PPM1E: variants seen among roughly 807,000 people sequenced by gnomAD.
PPM1E encodes the protein protein phosphatase, Mg2+/Mn2+ dependent 1E.
Under a neutral mutation model 65.9 loss-of-function variants are expected in PPM1E, and 20 were observed. The ratio of observed to expected loss-of-function variants is 0.30; its 90% confidence interval spans 0.21 to 0.44. PPM1E has a LOEUF of 0.44. Among genes scored for constraint, PPM1E ranks in the 20% least tolerant of loss-of-function variants. The probability of loss-of-function intolerance (pLI) is 1.00; values close to 1 mark genes in which losing one functional copy is unlikely to be tolerated. For missense variants in PPM1E, 713 were observed against 953.1 expected, an observed-to-expected ratio of 0.75 and a Z score of 3.32; for synonymous variants, 352 against 374.9, an observed-to-expected ratio of 0.94 and a Z score of 0.70.
chr17:58,934,900 C>G (rs1351616834), intron 1 of PPM1E, among the ~76,000 whole-genome samples: 4 of 149,530 alleles, frequency 2.7e-5, no homozygotes, highest in African/African-American at 9.8e-5. Flanking sequence ...GCACTCCAGC[C>G]TGGGCGACAG....
At chr17:58,843,873 G>A (rs2050745688) in intron 1 of PPM1E, among the ~76,000 whole-genome samples, 3 of 152,084 alleles carry the variant, frequency 2.0e-5, no homozygotes, top group Non-Finnish European at 2.9e-5. Flanking sequence ...GAAGATTGTA[G>A]GGGAAATGGC....
intron 1 of PPM1E, among the ~76,000 whole-genome samples, chr17:58,948,097 G>A (rs2052187000): frequency 6.6e-6 from 1 of 152,138 alleles, no homozygotes; most frequent in Non-Finnish European, 1.5e-5. Context: ...GGCCTTTTAT[G>A]AACAAACTTC....
intron 1 of PPM1E, among the ~76,000 whole-genome samples, chr17:58,868,678 C>T (rs1373037861): frequency 6.7e-6 from 1 of 149,466 alleles, no homozygotes; most frequent in African/African-American, 2.5e-5. Context: ...TAATTGTAAA[C>T]TCATAACCTT....
At chr17:58,762,822 C>T (rs986841073) in intron 1 of PPM1E, among the ~76,000 whole-genome samples, 5 of 148,978 alleles carry the variant, frequency 3.4e-5, no homozygotes, top group African/African-American at 5.0e-5. Flanking sequence ...GGCGTGAACC[C>T]GGGAGGCGGA....
intron 1 of PPM1E, among the ~76,000 whole-genome samples, chr17:58,935,099 A>G (rs2143581806): frequency 6.6e-6 from 1 of 151,244 alleles, no homozygotes; most frequent in Admixed American, 6.6e-5. Flanking sequence ...AAAAATGCAA[A>G]AATTAGCTGG....
chr17:58,980,523 T>C lies in PPM1E; in HGVS notation c.1760T>C (p.Leu587Pro), dbSNP rs1377925739. 2 of 1,614,190 alleles carry C rather than the reference T, an allele frequency of 1.2e-6. No homozygotes were observed. Among genetic ancestry groups the C allele is most frequent in the South Asian group, 2.2e-5 (2 of 91,080 alleles). The change falls in exon 7 of 7, where the codon CTA becomes CCA. Residue 587 changes from leucine (L) to proline (P), a missense_variant. By Grantham distance (98) the Leu-to-Pro change is moderately conservative. Transcript: ENST00000308249. The surrounding 1 kb of genome is among the most constrained non-coding windows in gnomAD (Gnocchi z 4.7). ...ASKPHSAQFL[L>P]PVEMFGPGAP... The stretch of plus-strand genomic sequence containing the variant: ...AAACCTCACAGTGCCCAGTTTTTGC[T>C]ACCAGTTGAGATGTTTGGTCCTGGT...
At chr17:58,894,085 C>T (rs1045266828) in intron 1 of PPM1E, among the ~76,000 whole-genome samples, 2 of 151,792 alleles carry the variant, frequency 1.3e-5, no homozygotes, top group South Asian at 4.2e-4. Context: ...AAAAAACAAA[C>T]CAGAAAAACC....
chr17:58,861,436 T>A (rs1384082647), intron 1 of PPM1E, among the ~76,000 whole-genome samples: 1 of 152,206 alleles, frequency 6.6e-6, no homozygotes, highest in African/African-American at 2.4e-5. Context: ...ATGCTGTCTT[T>A]TTCTTCTTCT....
intron 1 of PPM1E, among the ~76,000 whole-genome samples, chr17:58,788,408 C>T (rs1194404362): frequency 6.6e-6 from 1 of 152,116 alleles, no homozygotes; most frequent in Non-Finnish European, 1.5e-5. Flanking sequence ...TATTTGTATG[C>T]CCTTGACAGA....
At chr17:58,790,819 C>T (rs1177359826) in intron 1 of PPM1E, among the ~76,000 whole-genome samples, 2 of 152,096 alleles carry the variant, frequency 1.3e-5, no homozygotes, top group South Asian at 2.1e-4. Context: ...TACTGTCTTA[C>T]TGCATTCATG....
chr17:58,977,701 C>T (rs2031098372), intron 6 of PPM1E, among the ~76,000 whole-genome samples: 1 of 152,142 alleles, frequency 6.6e-6, no homozygotes, highest in Non-Finnish European at 1.5e-5. Context: ...TCCTAATGAG[C>T]TTTCTAGCCT....
At chr17:58,818,019 G>A (rs940509191) in intron 1 of PPM1E, among the ~76,000 whole-genome samples, 2 of 152,104 alleles carry the variant, frequency 1.3e-5, no homozygotes, top group African/African-American at 4.8e-5. Flanking sequence ...GATTACAGAC[G>A]TGAGCCACCG....
intron 1 of PPM1E, among the ~76,000 whole-genome samples, chr17:58,786,823 C>T (rs2050105329): frequency 6.6e-6 from 1 of 151,906 alleles, no homozygotes; most frequent in Non-Finnish European, 1.5e-5. Flanking sequence ...ATAATTAGTC[C>T]CTTATTTTGA....
intron 4 of PPM1E, among the ~76,000 whole-genome samples, 175 bp from the exon 5 acceptor site, chr17:58,971,956 TA>T (rs1384719107): frequency 6.6e-6 from 1 of 152,276 alleles, no homozygotes; most frequent in Non-Finnish European, 1.5e-5. Context: ...TATATACACA[TA>T]AATACATACA....
intron 1 of PPM1E, among the ~76,000 whole-genome samples, chr17:58,836,706 G>A (rs912899819): frequency 4.0e-5 from 6 of 150,398 alleles, no homozygotes; most frequent in Non-Finnish European, 7.4e-5. Context: ...CTTGTGATCT[G>A]CCTGCCTCGG....
chr17:58,836,464 A>G (rs922927065), intron 1 of PPM1E, among the ~76,000 whole-genome samples: 23 of 150,768 alleles, frequency 1.5e-4, no homozygotes. Context: ...TTTACAAAAA[A>G]AAAATTTTTT....
intron 1 of PPM1E, among the ~76,000 whole-genome samples, chr17:58,857,728 C>T (rs186336081): frequency 2.6e-5 from 4 of 152,104 alleles, no homozygotes; most frequent in African/African-American, 7.2e-5. Flanking sequence ...TGGAACAGCA[C>T]ACAACAGACG....
intron 1 of PPM1E, among the ~76,000 whole-genome samples, chr17:58,795,150 C>G (rs1376135210): frequency 6.6e-6 from 1 of 152,024 alleles, no homozygotes; most frequent in Non-Finnish European, 1.5e-5. Context: ...CCTTGGCCTC[C>G]CAAAGTGCTG....
chr17:58,908,446 T>G (rs968130678), intron 1 of PPM1E, among the ~76,000 whole-genome samples: 16 of 145,702 alleles, frequency 1.1e-4, no homozygotes, highest in Non-Finnish European at 9.1e-5. Flanking sequence ...CTTTTTATAC[T>G]TTTTTTTTTT....
Sources: allele counts gnomAD v4.1 joint callset (sites outside exome capture counted in the v4.1 genomes callset), GRCh38; gene constraint gnomAD v4.1.1; non-coding constraint Gnocchi (gnomAD v3.1); transcripts MANE v1.5; gene names NCBI Gene and HGNC (gene_info 2026-07-23, HGNC 2026-07-21).